ROBO2: variants seen among roughly 807,000 people sequenced by gnomAD.
ROBO2 encodes roundabout guidance receptor 2.
Under a neutral mutation model 160.8 loss-of-function variants are expected in ROBO2, and 53 were observed. That is an observed-to-expected ratio of 0.33 (90% CI 0.26 to 0.41). The LOEUF (loss-of-function observed/expected upper bound fraction) is 0.41, where lower values mean the gene tolerates loss of function less well. ROBO2 is among the 10% of genes least tolerant of loss of function. ROBO2 has a pLI of 1.00. For missense variants in ROBO2, 1,577 were observed against 1,722.4 expected (o/e 0.92, Z 1.49); for synonymous variants, 664 against 611.7 (o/e 1.09, Z -1.26).
intron 2 of ROBO2, among the ~76,000 whole-genome samples, chr3:77,257,077 C>A (rs2058467146): frequency 6.6e-6 from 1 of 152,166 alleles, no homozygotes; most frequent in African/African-American, 2.4e-5. Context: ...TATGCAAGCT[C>A]TTCCATGAGA....
chr3:77,617,557 A>C (rs760268154), exon 22 of ROBO2: 1 of 1,614,156 alleles, frequency 6.2e-7, no homozygotes, highest in Non-Finnish European at 8.5e-7. Flanking sequence ...GTACAAACTT[A>C]CTTACACCAA....
intron 5 of ROBO2, among the ~76,000 whole-genome samples, chr3:77,507,476 AC>A (rs757024379): frequency 2.0e-5 from 3 of 152,168 alleles, no homozygotes; most frequent in Non-Finnish European, 4.4e-5. Context: ...CTTCTTGCAC[AC>A]AGAAGACTGC....
intron 2 of ROBO2, among the ~76,000 whole-genome samples, chr3:76,782,055 T>C (rs901870696): frequency 1.3e-5 from 2 of 150,828 alleles, no homozygotes; most frequent in Admixed American, 1.3e-4. Flanking sequence ...TATTGGTCTG[T>C]TCAGATTTTT....
chr3:76,271,351 C>A (rs1442333146), intron 2 of ROBO2, among the ~76,000 whole-genome samples: 2 of 151,672 alleles, frequency 1.3e-5, no homozygotes, highest in Non-Finnish European at 2.9e-5. Flanking sequence ...TGAGTGCTAC[C>A]TCTCCACATT....
chr3:76,644,574 A>G (rs1175133306), intron 2 of ROBO2, among the ~76,000 whole-genome samples: 1 of 152,132 alleles, frequency 6.6e-6, no homozygotes, highest in Non-Finnish European at 1.5e-5. Context: ...ACGAATTCAT[A>G]TTCCCACTTG....
intron 1 of ROBO2, among the ~76,000 whole-genome samples, chr3:77,079,156 A>C (rs1279314871): frequency 6.6e-6 from 1 of 152,158 alleles, no homozygotes; most frequent in Non-Finnish European, 1.5e-5. Flanking sequence ...CTTGTTGGTC[A>C]GGCTGGTCTC....
chr3:77,539,940 C>T (rs1249252769), intron 6 of ROBO2, among the ~76,000 whole-genome samples: 7 of 152,154 alleles, frequency 4.6e-5, no homozygotes, highest in Non-Finnish European at 1.0e-4. Flanking sequence ...CAAGCAAATA[C>T]TAGTGATTGA....
chr3:77,469,541 G>GT (rs1348535889), intron 2 of ROBO2, among the ~76,000 whole-genome samples: 1 of 152,046 alleles, frequency 6.6e-6, no homozygotes, highest in Non-Finnish European at 1.5e-5. Flanking sequence ...GACCATCATT[G>GT]TTTTTTCTCT....
chr3:76,283,351 T>G (rs1356277473), intron 2 of ROBO2, among the ~76,000 whole-genome samples: 1 of 151,228 alleles, frequency 6.6e-6, no homozygotes, highest in Non-Finnish European at 1.5e-5. Context: ...ATCCTAACAG[T>G]CTCATATGCA....
At chr3:77,033,169 G>A (rs1416913228) in intron 2 of ROBO2, among the ~76,000 whole-genome samples, 1 of 152,108 alleles carries the variant, frequency 6.6e-6, no homozygotes, top group African/African-American at 2.4e-5. Context: ...AATGCAGATA[G>A]GTACTCAACA....
rs1208378237 is a variant in ROBO2 at position 77,493,351 on chromosome 3, A to G, written c.775A>G (p.Lys259Glu). 5.0e-6 allele frequency: 8 copies of G among 1,613,084 alleles called. No individual in the cohort carries two copies. Among genetic ancestry groups the G allele is most frequent in the Non-Finnish European group, 6.8e-6 (8 of 1,179,324 alleles). Residue 259 changes from lysine (K) to glutamate (E), a missense_variant, in exon 5 of 26, where the codon AAA becomes GAA. By Grantham distance (56) the Lys-to-Glu change is moderately conservative. Around this residue, in one of 2 missense-constraint regions of ROBO2, gnomAD observed 940 missense variants for 1,135.5 expected, o/e 0.83. Transcript: ENST00000461745. ...AGATCCTCAACCAACTGTGAGGTGGAAAAAGGATGATGCAGACTTGCCAAG... is the reference window on the plus strand; with the variant it reads ...AGATCCTCAACCAACTGTGAGGTGGGAAAAGGATGATGCAGACTTGCCAAG...
At position 76,117,806 on chromosome 3, in the gene ROBO2, A is replaced by G. The variant is rs193127897; in HGVS notation, c.109+180204A>G. Among the ~76,000 whole-genome samples the G allele has an allele frequency of 8.0e-4, 122 of 152,360 alleles. 1 individual carries two copies. The highest frequency in any genetic ancestry group is 1.5e-3 in the Non-Finnish European group (104 of 68,040). On this transcript the variant is annotated intron_variant, in intron 2 of 26. Coordinates refer to the ROBO2 transcript ENST00000487694. ...AAATGAATTTTAAACAAAAACTATC[A>G]TATATGTTTTATAAGTTTCATAAAT...
At chr3:76,681,925 A>C (rs1231593961) in intron 2 of ROBO2, among the ~76,000 whole-genome samples, 2 of 152,186 alleles carry the variant, frequency 1.3e-5, no homozygotes, top group Non-Finnish European at 2.9e-5. Context: ...TTTGAAATAA[A>C]GTCAGAAGCC....
intron 2 of ROBO2, among the ~76,000 whole-genome samples, chr3:76,516,766 G>A (rs183604051): frequency 3.3e-5 from 5 of 152,078 alleles, no homozygotes; most frequent in Non-Finnish European, 5.9e-5. Flanking sequence ...CAAGCATTCC[G>A]ACCTAAAAAC....
rs199904590 is a variant in ROBO2 at position 76,271,303 on chromosome 3, G to GT, written c.109+333704dup. 3.4e-3 allele frequency among the ~76,000 whole-genome samples: 523 copies of GT among 151,910 alleles called. 6 individuals are homozygous for GT. The highest frequency in any genetic ancestry group is 0.025 in the Admixed American group (383 of 15,234). On this transcript the variant is annotated intron_variant, in intron 2 of 26. Coordinates refer to the ROBO2 transcript ENST00000487694. Reference sequence around the variant, plus strand: ...CATAAAACAAGTAGTGGCATTATTAGTTTACAACATGTTTAATTTTAACAA... The same window carrying GT: ...CATAAAACAAGTAGTGGCATTATTAGTTTTACAACATGTTTAATTTTAACAA...
intron 2 of ROBO2, among the ~76,000 whole-genome samples, chr3:76,867,134 A>G (rs1169458129): frequency 1.3e-5 from 2 of 152,162 alleles, no homozygotes; most frequent in African/African-American, 4.8e-5. Context: ...GAGAGTATTA[A>G]CACTAGCCTA....
chr3:76,903,837 T>C (rs1329531547), intron 2 of ROBO2, among the ~76,000 whole-genome samples: 1 of 152,168 alleles, frequency 6.6e-6, no homozygotes. Flanking sequence ...CCTTCAAATA[T>C]TTTTCTAGAA....
intron 2 of ROBO2, among the ~76,000 whole-genome samples, chr3:76,517,501 C>G (rs557404360): frequency 6.6e-6 from 1 of 152,072 alleles, no homozygotes; most frequent in African/African-American, 2.4e-5. Flanking sequence ...ACTTTTCCAG[C>G]GTCACATAGA....
At chr3:76,361,299 G>A (rs2075505953) in intron 2 of ROBO2, among the ~76,000 whole-genome samples, 1 of 152,024 alleles carries the variant, frequency 6.6e-6, no homozygotes, top group Admixed American at 6.6e-5. Context: ...GATGCCATGT[G>A]TGCTTTTCCA....
Sources: gnomAD v4.1 joint callset for allele counts (sites outside exome capture counted in the v4.1 genomes callset) on GRCh38, gnomAD v4.1.1 for gene constraint, gnomAD v4.1.1 regional missense constraint, MANE v1.5 for transcripts, NCBI Gene and HGNC (gene_info 2026-07-23, HGNC 2026-07-21) for gene names.